NUP205: variants seen among roughly 807,000 people sequenced by gnomAD.
NUP205 encodes the protein nuclear pore complex protein Nup205.
In NUP205, 76 loss-of-function variants were observed where a neutral mutation model predicts 253.8. The observed-to-expected ratio is 0.30, with a 90% CI of 0.25 to 0.36. The LOEUF is 0.36. Among genes scored for constraint, NUP205 ranks in the 10% least tolerant of loss-of-function variants. The pLI, the probability that NUP205 is intolerant of heterozygous loss-of-function variation, is 1.00. For missense variants in NUP205, 2,162 were observed against 2,425.5 expected, an observed-to-expected ratio of 0.89 and a Z score of 2.28; for synonymous variants, 832 against 850.1, an observed-to-expected ratio of 0.98 and a Z score of 0.37.
intron 27 of NUP205, among the ~76,000 whole-genome samples, chr7:135,618,132 A>T (rs1270996744): frequency 6.6e-6 from 1 of 152,170 alleles, no homozygotes; most frequent in East Asian, 1.9e-4. Context: ...CTCTAGAGTA[A>T]GCAAGTATAA....
Position 135,630,368 on chromosome 7 carries a change from T to C in NUP205, c.4957T>C (p.Ser1653Pro), listed in dbSNP as rs756551690. The C allele has an allele frequency of 6.2e-7, 1 of 1,601,658 alleles. No individual in the cohort carries two copies. Among genetic ancestry groups the C allele is most frequent in the South Asian group, 1.1e-5 (1 of 88,568 alleles). Residue 1653 changes from serine (S) to proline (P), a missense_variant, in exon 35 of 43, where the codon TCT (serine) becomes CCT (proline). By Grantham distance (74) the Ser-to-Pro change is moderately conservative. Coordinates refer to ENST00000285968, the MANE Select transcript of NUP205 (RefSeq NM_015135.3). ...GQVLQFLISH[S>P]DTIQAILRCQ... ...GGTATTGCAGTTTCTTATTTCACAT[T>C]CTGATACCATACAAGCAATTCTGCG...
intron 1 of NUP205, among the ~76,000 whole-genome samples, chr7:135,562,545 C>CTTTTTT (rs34482653): frequency 7.2e-5 from 7 of 97,410 alleles, no homozygotes; most frequent in Admixed American, 1.4e-4. Context: ...GACCAAAATC[C>CTTTTTT]TTTTTTTTTT....
chr7:135,641,677 TGGG>T, intron 38 of NUP205, among the ~76,000 whole-genome samples: 1 of 115,162 alleles, frequency 8.7e-6, no homozygotes, highest in Non-Finnish European at 2.1e-5. Context: ...GAGGCTGAGG[TGGG>T]AGGATCACCT....
chr7:135,561,161 A>G (rs1454179014), intron 1 of NUP205, among the ~76,000 whole-genome samples: 1 of 152,132 alleles, frequency 6.6e-6, no homozygotes, highest in African/African-American at 2.4e-5. Context: ...CCTGGCCAAC[A>G]TGGTGAAACC....
chr7:135,570,466 T>C (rs181615354), intron 1 of NUP205, among the ~76,000 whole-genome samples: 3,738 of 151,642 alleles, frequency 0.025, 73 homozygotes, highest in South Asian at 0.077. Flanking sequence ...CTGTCCGCCT[T>C]GGCCTCCCAG....
chr7:135,595,250 C>T (rs1385057168), intron 13 of NUP205, among the ~76,000 whole-genome samples: 1 of 151,220 alleles, frequency 6.6e-6, no homozygotes, highest in African/African-American at 2.4e-5. Flanking sequence ...GATAGGGTCT[C>T]GCTGTGTTGG....
intron 22 of NUP205, 57 bp from the exon 23 acceptor site, chr7:135,614,102 T>C: frequency 1.1e-6 from 1 of 950,342 alleles, no homozygotes; most frequent in Non-Finnish European, 1.7e-6. Flanking sequence ...TTTGTTACCA[T>C]AATATGTGTA....
At chr7:135,625,554 A>G (rs942147614) in intron 32 of NUP205, among the ~76,000 whole-genome samples, 199 bp downstream of exon 32, 2 of 152,180 alleles carry the variant, frequency 1.3e-5, no homozygotes, top group African/African-American at 4.8e-5. Context: ...ATAGCTGGAT[A>G]ATGGGACTGC....
chr7:135,603,971 T>G (rs1794026081), intron 18 of NUP205, among the ~76,000 whole-genome samples: 1 of 152,200 alleles, frequency 6.6e-6, no homozygotes. Context: ...GATCTCTGCT[T>G]TCAGCGTCAC....
rs1013946964 is a variant in NUP205, at chr7:135,607,612, A to G, written c.3195+241A>G. 2.6e-5 allele frequency among the ~76,000 whole-genome samples: 4 copies of G among 152,312 alleles called. No individual in the cohort carries two copies. In the South Asian group the frequency reaches 8.3e-4, roughly 32 times the overall value. On this transcript the variant is annotated intron_variant, in intron 22 of 42. Transcript: ENST00000285968. The stretch of plus-strand genomic sequence containing the variant: ...AATTAGATTTTTGTGATGGATTTTT[A>G]CCAGTAGTGTAGAAACTTTCCAACA...
chr7:135,640,187 A>AC (rs1563140247), intron 38 of NUP205, among the ~76,000 whole-genome samples: 2 of 152,230 alleles, frequency 1.3e-5, no homozygotes, highest in African/African-American at 4.8e-5. Context: ...TAACAAACGT[A>AC]CACATTCTGT....
intron 41 of NUP205, 56 bp downstream of exon 41, chr7:135,645,652 G>C (rs933596415): frequency 6.5e-7 from 1 of 1,541,240 alleles, no homozygotes; most frequent in Non-Finnish European, 8.8e-7. Context: ...GCCTTGAAAA[G>C]CTAGTACCAG....
chr7:135,635,494 A>T lies in NUP205; in HGVS notation c.5060-87A>T, dbSNP rs912707009. ...AGAATATCTGTTCATGCACATAAAC[A>T]ATATAAAATATTAGAACCTCTCTTC... is the stretch of plus-strand genomic sequence containing the variant. On this transcript the variant is annotated intron_variant, in intron 35 of 42. Coordinates refer to ENST00000285968, the MANE Select transcript of NUP205 (RefSeq NM_015135.3). 3 of 767,514 alleles carry T rather than the reference A, an allele frequency of 3.9e-6. No homozygotes were observed. The East Asian group carries it at 8.2e-5, about 21-fold the overall frequency. 47.5% of individuals were successfully genotyped at this position (767,514 alleles called of 1,614,324 possible).
chr7:135,577,688 T>G, intron 5 of NUP205, 108 bp from the exon 6 acceptor site: 3 of 757,570 alleles, frequency 4.0e-6, no homozygotes, highest in African/African-American at 1.8e-5. Flanking sequence ...CACTTGTGGA[T>G]TTTGATAGGT....
chr7:135,570,002 C>A (rs1805897927), intron 1 of NUP205, among the ~76,000 whole-genome samples: 1 of 142,492 alleles, frequency 7.0e-6, no homozygotes, highest in African/African-American at 2.6e-5. Context: ...AAACTTACAG[C>A]TCTTTGAAGC....
chr7:135,570,029 TTA>T (rs145414092), intron 1 of NUP205, among the ~76,000 whole-genome samples: 9,070 of 97,922 alleles, frequency 0.093, 364 homozygotes, highest in East Asian at 0.14. Flanking sequence ...TGTTTATGTT[TTA>T]TATATATATA....
At chr7:135,608,158 C>G (rs982748289) in intron 22 of NUP205, among the ~76,000 whole-genome samples, 5 of 151,716 alleles carry the variant, frequency 3.3e-5, no homozygotes, top group Non-Finnish European at 7.4e-5. Context: ...TCCCAAGTAG[C>G]TGGGACTACA....
chr7:135,615,899 A>G lies in NUP205; in HGVS notation c.3311-17A>G. 6.3e-7 allele frequency: 1 copy of G among 1,595,274 alleles called. No homozygotes were observed. The highest frequency in any genetic ancestry group is 8.5e-7 in the Non-Finnish European group (1 of 1,169,952). Reference sequence around the variant, plus strand: ...GTTATTACTCTGGGAAACAAAATTTACATGTTTAAATTCTAGAATATGAAA... The same window carrying G: ...GTTATTACTCTGGGAAACAAAATTTGCATGTTTAAATTCTAGAATATGAAA... On this transcript the variant is annotated splice_polypyrimidine_tract_variant and intron_variant, in intron 23 of 42. Transcript: ENST00000285968.
At chr7:135,626,776 T>A (rs1313148799) in intron 33 of NUP205, among the ~76,000 whole-genome samples, 2 of 152,252 alleles carry the variant, frequency 1.3e-5, no homozygotes, top group African/African-American at 2.4e-5. Context: ...AATGGAATTG[T>A]TTTCAAGTTT....
Sources: gnomAD v4.1 joint callset for allele counts (sites outside exome capture counted in the v4.1 genomes callset) on GRCh38, gnomAD v4.1.1 for gene constraint, MANE v1.5 for transcripts, NCBI Gene and HGNC (gene_info 2026-07-23, HGNC 2026-07-21) for gene names.